Variants in PTPRN2 observed in about 807,000 individuals in gnomAD.
The protein encoded by PTPRN2 is protein tyrosine phosphatase receptor type N2.
In PTPRN2, 74 loss-of-function variants were observed where a neutral mutation model predicts 118.8. The ratio of observed to expected loss-of-function variants is 0.62; its 90% CI spans 0.52 to 0.76. The LOEUF is 0.76. Ranked by LOEUF, PTPRN2 falls within the 30% of genes least tolerant of loss-of-function variation. The probability of loss-of-function intolerance (pLI) is 0.00; values close to 1 mark genes in which losing one functional copy is unlikely to be tolerated. For synonymous variants in PTPRN2, 641 were observed against 608.0 expected (o/e 1.05, Z -0.80); for missense variants, 1,481 against 1,394.4 (o/e 1.06, Z -0.99).
chr7:158,171,091 CAT>C lies in PTPRN2; in HGVS notation c.550-3802_550-3801del, dbSNP rs370749879. 8.5e-3 allele frequency among the ~76,000 whole-genome samples: 1,113 copies of C among 130,610 alleles called. 84 individuals are homozygous for C. The highest frequency in any genetic ancestry group is 0.019 in the African/African-American group (598 of 32,074). The allele number at this position is 130,610 out of a possible 152,430, so 85.7% of individuals were successfully genotyped here. ...CATTATATACACATATATATACACA[CAT>C]ATATATATACACATATATATACACA... On this transcript the variant is annotated intron_variant, in intron 5 of 22. Transcript: ENST00000389418.
chr7:158,448,914 G>C (rs1232843759), intron 2 of PTPRN2, among the ~76,000 whole-genome samples: 2 of 152,198 alleles, frequency 1.3e-5, no homozygotes, highest in African/African-American at 2.4e-5. Context: ...GAGGGGCACG[G>C]CACTTTGCAC....
intron 10 of PTPRN2, among the ~76,000 whole-genome samples, chr7:158,082,209 G>T (rs1459738309): frequency 1.3e-5 from 2 of 152,156 alleles, no homozygotes; most frequent in Non-Finnish European, 2.9e-5. Flanking sequence ...CTGGTCCCTG[G>T]GAGGTGCCTG....
At chr7:158,441,098 GGTGGTA>G (rs1563295868) in intron 2 of PTPRN2, among the ~76,000 whole-genome samples, 1 of 147,662 alleles carries the variant, frequency 6.8e-6, no homozygotes. Flanking sequence ...TAGTGATAGG[GGTGGTA>G]GTGATGGTGA....
chr7:158,476,411 C>T (rs957163701), intron 2 of PTPRN2, among the ~76,000 whole-genome samples: 6 of 152,270 alleles, frequency 3.9e-5, no homozygotes, highest in African/African-American at 1.2e-4. Context: ...GACGCCGATG[C>T]GCACAGCTGT....
chr7:158,364,694 C>A (rs943737910), intron 2 of PTPRN2, among the ~76,000 whole-genome samples: 1 of 152,168 alleles, frequency 6.6e-6, no homozygotes, highest in African/African-American at 2.4e-5. Context: ...GATCACACAG[C>A]TGGGAAGTCG....
At chr7:158,318,886 A>G (rs1273198725) in intron 2 of PTPRN2, among the ~76,000 whole-genome samples, 1 of 152,254 alleles carries the variant, frequency 6.6e-6, no homozygotes, top group African/African-American at 2.4e-5. Context: ...ATCTGTGAGT[A>G]GCCAACGCTT....
At chr7:157,625,696 TA>T (rs1803528980) in intron 14 of PTPRN2, among the ~76,000 whole-genome samples, 1 of 152,056 alleles carries the variant, frequency 6.6e-6, no homozygotes, top group African/African-American at 2.4e-5. Context: ...TTCATGTAAC[TA>T]AATACCACCT....
chr7:158,013,067 T>C lies in PTPRN2; in HGVS notation c.1723+68231A>G, dbSNP rs147448550. On this transcript the variant is annotated intron_variant, in intron 11 of 22. Coordinates refer to ENST00000389418, the MANE Select transcript of PTPRN2 (RefSeq NM_002847.5). ...AAGCACTTCCATGTTTGTCCTCTCA[T>C]ATATGACTCGTAAGGCCAGTGAACA... Among the ~76,000 whole-genome samples, 183 of 152,306 alleles carry C rather than the reference T, an allele frequency of 1.2e-3. 1 individual carries two copies. Among genetic ancestry groups the C allele is most frequent in the African/African-American group, 4.2e-3 (174 of 41,564 alleles).
chr7:158,459,668 G>C (rs1818823701), intron 2 of PTPRN2, among the ~76,000 whole-genome samples: 1 of 152,192 alleles, frequency 6.6e-6, no homozygotes, highest in South Asian at 2.1e-4. Context: ...AGCCGCTGTG[G>C]CTGCCCACAT....
chr7:157,756,284 A>T (rs1801771606), intron 12 of PTPRN2, among the ~76,000 whole-genome samples: 1 of 146,562 alleles, frequency 6.8e-6, no homozygotes, highest in Non-Finnish European at 1.5e-5. Flanking sequence ...ACCAGGGCAA[A>T]TTTTTTAATC....
chr7:157,948,967 C>CT (rs1800649211), intron 11 of PTPRN2, among the ~76,000 whole-genome samples: 1 of 152,012 alleles, frequency 6.6e-6, no homozygotes, highest in Admixed American at 6.6e-5. Flanking sequence ...GGAGAGCTGA[C>CT]TTTTATAAAT....
chr7:157,563,482 C>T (rs1410409806), intron 21 of PTPRN2, among the ~76,000 whole-genome samples: 5 of 119,118 alleles, frequency 4.2e-5, no homozygotes, highest in Non-Finnish European at 6.9e-5. Context: ...CACGTCACCA[C>T]ACACAGCAGA....
intron 11 of PTPRN2, among the ~76,000 whole-genome samples, chr7:157,901,819 C>T (rs1797466770): frequency 7.4e-6 from 1 of 135,074 alleles, no homozygotes; most frequent in Admixed American, 7.6e-5. Context: ...CGGGGCCTCC[C>T]CGTCCGTGTT....
At chr7:158,294,793 C>A (rs1266572398) in intron 3 of PTPRN2, among the ~76,000 whole-genome samples, 1 of 152,238 alleles carries the variant, frequency 6.6e-6, no homozygotes, top group Non-Finnish European at 1.5e-5. Flanking sequence ...AGGGTCCAAG[C>A]CCACGGCACC....
intron 3 of PTPRN2, among the ~76,000 whole-genome samples, chr7:158,232,550 T>C (rs963916193): frequency 6.6e-6 from 1 of 152,080 alleles, no homozygotes; most frequent in Non-Finnish European, 1.5e-5. Flanking sequence ...ACTCAAACTC[T>C]TCAAAAAATT....
chr7:158,203,047 C>G (rs914028786), intron 4 of PTPRN2, among the ~76,000 whole-genome samples: 1 of 151,796 alleles, frequency 6.6e-6, no homozygotes, highest in African/African-American at 2.4e-5. Context: ...GCCTGGCCAA[C>G]ACGGCAAAAC....
In PTPRN2 at chr7:157,690,560, G is replaced by C. The variant is rs1797424489; in HGVS notation, c.1789-7623C>G. On this transcript the variant is annotated intron_variant, in intron 12 of 22. Coordinates refer to ENST00000389418, the MANE Select transcript of PTPRN2 (RefSeq NM_002847.5). The surrounding 1 kb of genome is among the most constrained non-coding windows in gnomAD (Gnocchi z 7.1). ...CCGGCACCCCTGGTTACCTGCAGCT[G>C]GGCCGGCGCCCAGCGCCCGCGCGGG... Among the ~76,000 whole-genome samples, 1 of 151,830 alleles carries C rather than the reference G, an allele frequency of 6.6e-6. No individual in the cohort carries two copies. The highest frequency in any genetic ancestry group is 1.5e-5 in the Non-Finnish European group (1 of 67,920).
intron 3 of PTPRN2, among the ~76,000 whole-genome samples, chr7:158,275,013 G>A (rs1400417294): frequency 6.6e-6 from 1 of 152,182 alleles, no homozygotes; most frequent in African/African-American, 2.4e-5. Context: ...AAAATAGGGA[G>A]CACTTTCTGA....
At chr7:157,673,942 G>T (rs1485823382) in intron 13 of PTPRN2, among the ~76,000 whole-genome samples, 1 of 152,194 alleles carries the variant, frequency 6.6e-6, no homozygotes, top group African/African-American at 2.4e-5. Context: ...GTTCTCTGCT[G>T]TCCCCGTTGT....
Sources: allele counts gnomAD v4.1 joint callset (sites outside exome capture counted in the v4.1 genomes callset), GRCh38; gene constraint gnomAD v4.1.1; non-coding constraint Gnocchi (gnomAD v3.1); transcripts MANE v1.5; gene names NCBI Gene and HGNC (gene_info 2026-07-23, HGNC 2026-07-21).